The following EDIL3 variants were observed in gnomAD, a reference collection of about 807,000 sequenced individuals.
EDIL3 encodes EGF like and discoidin domains 3, also known as EGF-like repeat and discoidin I-like domain-containing protein 3.
Under a neutral mutation model 67.4 loss-of-function variants are expected in EDIL3, and 37 were observed. The ratio of observed to expected loss-of-function variants is 0.55; its 90% CI spans 0.42 to 0.72. EDIL3 has a LOEUF of 0.72. Among genes scored for constraint, EDIL3 ranks in the 30% least tolerant of loss-of-function variants. The pLI is 0.00. For synonymous variants in EDIL3, 195 were observed against 196.3 expected (o/e 0.99, Z 0.05); for missense variants, 527 against 586.3 (o/e 0.90, Z 1.04).
At chr5:84,095,312 G>T (rs1323032377) in intron 6 of EDIL3, among the ~76,000 whole-genome samples, 1 of 152,092 alleles carries the variant, frequency 6.6e-6, no homozygotes, top group African/African-American at 2.4e-5. Flanking sequence ...TTTGGAATGG[G>T]GTAACAGGCA....
chr5:84,142,723 A>C (rs1348020536), intron 4 of EDIL3, among the ~76,000 whole-genome samples: 2 of 151,956 alleles, frequency 1.3e-5, no homozygotes, highest in African/African-American at 4.8e-5. Flanking sequence ...TTCATAAGTA[A>C]GTACATTGAG....
At chr5:84,180,051 G>A (rs59780126) in intron 4 of EDIL3, among the ~76,000 whole-genome samples, 3,482 of 151,574 alleles carry the variant, frequency 0.023, 144 homozygotes, top group African/African-American at 0.08. Flanking sequence ...AATCACCAGA[G>A]TAATTTTTGG....
intron 1 of EDIL3, among the ~76,000 whole-genome samples, chr5:84,306,100 A>G (rs953489217): frequency 3.9e-5 from 6 of 152,034 alleles, no homozygotes; most frequent in Admixed American, 2.6e-4. Context: ...TTTTATGTAA[A>G]AGCATCAACG....
At chr5:84,308,946 T>C (rs745978421) in intron 1 of EDIL3, among the ~76,000 whole-genome samples, 4 of 152,182 alleles carry the variant, frequency 2.6e-5, no homozygotes, top group Non-Finnish European at 4.4e-5. Flanking sequence ...TTGGGACCCA[T>C]GACAAATAGT....
intron 1 of EDIL3, among the ~76,000 whole-genome samples, chr5:84,324,666 T>C (rs1168649315): frequency 6.6e-6 from 1 of 151,662 alleles, no homozygotes; most frequent in Non-Finnish European, 1.5e-5. Context: ...AATTTTTAAC[T>C]AGACAAACTA....
rs984104936 is a variant in EDIL3, at chr5:84,097,308, T to G, written c.651+9341A>C. Among the ~76,000 whole-genome samples the G allele has an allele frequency of 5.3e-5, 8 of 152,170 alleles. No homozygotes were observed. In the South Asian group the frequency reaches 1.2e-3, roughly 24 times the overall value. The stretch of plus-strand genomic sequence containing the variant: ...GAAAAAACAACTGGTGAATTAACTT[T>G]CGAAAGAAAAATTGTGACATTGCCC... On this transcript the variant is annotated intron_variant, in intron 6 of 10. Coordinates refer to ENST00000296591, the MANE Select transcript of EDIL3 (RefSeq NM_005711.5).
chr5:84,207,452 G>C (rs555496500), intron 3 of EDIL3, among the ~76,000 whole-genome samples: 2 of 152,118 alleles, frequency 1.3e-5, no homozygotes, highest in African/African-American at 4.8e-5. Context: ...AATCAATATC[G>C]TGAAAATGGT....
intron 2 of EDIL3, among the ~76,000 whole-genome samples, chr5:84,234,116 A>T: frequency 6.6e-6 from 1 of 152,196 alleles, no homozygotes; most frequent in East Asian, 1.9e-4. Flanking sequence ...TAGAATGCAT[A>T]AGAAATTAAT....
intron 1 of EDIL3, among the ~76,000 whole-genome samples, chr5:84,283,876 C>A (rs993358843): frequency 6.6e-6 from 1 of 152,108 alleles, no homozygotes; most frequent in Non-Finnish European, 1.5e-5. Flanking sequence ...CCTCAAACCA[C>A]CCCGCAAAAC....
chr5:84,352,960 G>A (rs553157593), intron 1 of EDIL3, among the ~76,000 whole-genome samples: 9 of 152,078 alleles, frequency 5.9e-5, no homozygotes, highest in Non-Finnish European at 8.8e-5. Context: ...AGGTATTGGG[G>A]CAGGAACAGC....
chr5:84,309,039 G>A (rs1030991735), intron 1 of EDIL3, among the ~76,000 whole-genome samples: 14 of 152,072 alleles, frequency 9.2e-5, no homozygotes, highest in Admixed American at 2.6e-4. Context: ...ACTCAATACA[G>A]TATAATGTAC....
chr5:83,972,731 C>G (rs923482438), intron 9 of EDIL3, among the ~76,000 whole-genome samples: 2 of 151,974 alleles, frequency 1.3e-5, no homozygotes, highest in Non-Finnish European at 1.5e-5. Context: ...AAGATAAAAA[C>G]AGCCAAAATT....
At chr5:83,983,903 T>A (rs1004245516) in intron 9 of EDIL3, among the ~76,000 whole-genome samples, 2 of 151,812 alleles carry the variant, frequency 1.3e-5, no homozygotes, top group Non-Finnish European at 2.9e-5. Flanking sequence ...AGGAAACTAG[T>A]AGAATATAAA....
chr5:84,157,693 A>T (rs563280730), intron 4 of EDIL3, among the ~76,000 whole-genome samples: 1 of 151,766 alleles, frequency 6.6e-6, no homozygotes, highest in Non-Finnish European at 1.5e-5. Flanking sequence ...ATTCTGTGTC[A>T]CCTTTGTATG....
At chr5:84,371,673 T>C (rs1747859828) in intron 1 of EDIL3, among the ~76,000 whole-genome samples, 1 of 151,632 alleles carries the variant, frequency 6.6e-6, no homozygotes, top group African/African-American at 2.4e-5. Context: ...TTACTCCATA[T>C]CTGAGGGGAA....
chr5:84,128,077 C>G (rs1451628687), intron 5 of EDIL3, among the ~76,000 whole-genome samples: 1 of 152,086 alleles, frequency 6.6e-6, no homozygotes, highest in Admixed American at 6.6e-5. Context: ...TTATGACTTA[C>G]ATGCTGCTGG....
chr5:83,967,920 T>A (rs1335830925), intron 9 of EDIL3, among the ~76,000 whole-genome samples: 1 of 152,168 alleles, frequency 6.6e-6, no homozygotes, highest in African/African-American at 2.4e-5. Context: ...TATCATTTAT[T>A]CTGAATTGTG....
chr5:84,106,331 G>A (rs987232893), intron 6 of EDIL3, among the ~76,000 whole-genome samples: 1 of 152,096 alleles, frequency 6.6e-6, no homozygotes, highest in African/African-American at 2.4e-5. Context: ...AGTATCATAA[G>A]TTGCTGCTAA....
intron 4 of EDIL3, among the ~76,000 whole-genome samples, chr5:84,141,944 T>TAC (rs1561443822): frequency 1.9e-5 from 2 of 102,694 alleles, no homozygotes; most frequent in African/African-American, 3.9e-5. Flanking sequence ...TATATATATA[T>TAC]ATACATAGAT....
Sources: allele counts gnomAD v4.1 joint callset (sites outside exome capture counted in the v4.1 genomes callset), GRCh38; gene constraint gnomAD v4.1.1; transcripts MANE v1.5; gene names NCBI Gene and HGNC (gene_info 2026-07-23, HGNC 2026-07-21).